Variants in SIDT2 observed in about 807,000 individuals in gnomAD.
SIDT2 encodes SID1 transmembrane family member 2, also known as SID1 transmembrane family, member 2.
SIDT2 carries 68 observed loss-of-function variants against 114.4 expected under a neutral mutation model. That is an observed-to-expected ratio of 0.59 (90% CI 0.49 to 0.73). SIDT2 has a LOEUF of 0.73. Ranked by LOEUF, SIDT2 falls within the 30% of genes least tolerant of loss-of-function variation. The pLI, the probability that SIDT2 is intolerant of heterozygous loss-of-function variation, is 0.00. For missense variants in SIDT2, 918 were observed against 1,097.1 expected, an observed-to-expected ratio of 0.84 and a Z score of 2.31; for synonymous variants, 470 against 438.4, an observed-to-expected ratio of 1.07 and a Z score of -0.90.
rs573216759 is a variant in SIDT2, at chr11:117,193,637, C to T, written c.2212-216C>T. The stretch of plus-strand genomic sequence containing the variant: ...GCGCCTTGAGGCCAGTGCACTGTCC[C>T]GACACAGGGTTCTGGATACATGGAG... On this transcript the variant is annotated intron_variant, in intron 23 of 25. Transcript: ENST00000324225. Among the ~76,000 whole-genome samples the T allele has an allele frequency of 9.9e-5, 15 of 152,094 alleles. No individual in the cohort carries two copies. In the South Asian group the frequency reaches 2.5e-3, roughly 25 times the overall value.
At chr11:117,180,936 C>T (rs574313232) in intron 1 of SIDT2, among the ~76,000 whole-genome samples, 22 of 152,164 alleles carry the variant, frequency 1.4e-4, no homozygotes, top group Non-Finnish European at 2.8e-4. Context: ...CAATACCTAC[C>T]CCTCCTCAAC....
rs116199703 is a variant in SIDT2 at position 117,180,354 on chromosome 11, A to G, written c.183+908A>G. ...TAGAGTCCTTTCTTCCTTTTTTCCC[A>G]TATCTAAAGGCACTGGAGAGCTGTG... On this transcript the variant is annotated intron_variant, in intron 1 of 25. Transcript: ENST00000324225. Among the ~76,000 whole-genome samples the G allele has an allele frequency of 5.2e-3, 792 of 151,908 alleles. 11 individuals carry two copies. The highest frequency in any genetic ancestry group is 0.018 in the African/African-American group (728 of 41,414).
At chr11:117,194,334 G>A (rs117634345) in intron 24 of SIDT2, among the ~76,000 whole-genome samples, 2,971 of 152,154 alleles carry the variant, frequency 0.02, 39 homozygotes, top group Non-Finnish European at 0.031. Flanking sequence ...ACATCATTTG[G>A]GAACACCTAC....
At chr11:117,183,741 T>A (rs1443250183) in intron 6 of SIDT2, 38 bp from the exon 7 acceptor site, 1 of 1,308,982 alleles carries the variant, frequency 7.6e-7, no homozygotes, top group African/African-American at 1.4e-5. Flanking sequence ...ATGATGATGA[T>A]GATGATGAAG....
chr11:117,196,252 T>A lies in SIDT2; in HGVS notation c.*186T>A. ...ATGGGGTGGCATGGAACCTTGCAGC[T>A]GCCCTCTGCCGAGGAGCAGGCCTGC... is the stretch of plus-strand genomic sequence containing the variant. On this transcript the variant is annotated 3_prime_UTR_variant, in exon 26 of 26. Coordinates refer to ENST00000324225, the MANE Select transcript of SIDT2 (RefSeq NM_001040455.2). The surrounding 1 kb of genome is among the most constrained non-coding windows in gnomAD (Gnocchi z 4.9). The A allele has an allele frequency of 1.4e-6, 1 of 733,718 alleles. No individual in the cohort carries two copies. Among genetic ancestry groups the A allele is most frequent in the Non-Finnish European group, 2.2e-6 (1 of 456,598 alleles). The allele number at this position is 733,718 out of a possible 1,614,324, so 45.5% of individuals were successfully genotyped here. A position where few individuals can be genotyped will look rare whatever the true frequency, so the allele number is the denominator to read the frequency against.
At position 117,187,509 on chromosome 11, in the gene SIDT2, C is replaced by A. The variant is rs187139984; in HGVS notation, c.1087+60C>A. 138 of 1,601,558 alleles carry A rather than the reference C, an allele frequency of 8.6e-5. 1 individual carries two copies. The Middle Eastern group carries it at 1.7e-3, about 19-fold the overall frequency. On this transcript the variant is annotated intron_variant, in intron 11 of 25. Transcript: ENST00000324225. The stretch of plus-strand genomic sequence containing the variant: ...ACATGACCTTGTCTCCTTAGGCCAC[C>A]ACCTCCGAGGCGGTAAAGTGGGAGC...
Position 117,192,027 on chromosome 11 carries a change from C to T in SIDT2, c.1872+13C>T. 1 of 1,614,006 alleles carries T rather than the reference C, an allele frequency of 6.2e-7. No homozygotes were observed. Among genetic ancestry groups the T allele is most frequent in the Non-Finnish European group, 8.5e-7 (1 of 1,179,968 alleles). On this transcript the variant is annotated intron_variant, in intron 19 of 25. Coordinates refer to ENST00000324225, the MANE Select transcript of SIDT2 (RefSeq NM_001040455.2). The surrounding 1 kb of genome is among the most constrained non-coding windows in gnomAD (Gnocchi z 5.9). ...TGTGCTGGGCGTGGTGAGGGCCTGA[C>T]CTGCTCTGCTCAGCCTGTATGATAG...
intron 8 of SIDT2, among the ~76,000 whole-genome samples, chr11:117,185,775 G>A (rs2030468345): frequency 6.6e-6 from 1 of 151,902 alleles, no homozygotes; most frequent in Non-Finnish European, 1.5e-5. Context: ...CTACTCAGGA[G>A]GCTGAGGTGG....
At chr11:117,181,700 C>A in intron 2 of SIDT2, 107 bp from the exon 3 acceptor site, 1 of 1,576,672 alleles carries the variant, frequency 6.3e-7, no homozygotes, top group Non-Finnish European at 8.7e-7. Context: ...GTGCACCTCG[C>A]AGGGAGGTGG....
chr11:117,180,092 A>G (rs1056840078), intron 1 of SIDT2, among the ~76,000 whole-genome samples: 4 of 152,212 alleles, frequency 2.6e-5, no homozygotes, highest in African/African-American at 9.6e-5. Flanking sequence ...AGACACAGCT[A>G]GTGTGGGAAG....
chr11:117,192,420 G>A lies in SIDT2; in HGVS notation c.1981+58G>A, dbSNP rs1352605325. On this transcript the variant is annotated intron_variant, in intron 20 of 25. Coordinates refer to ENST00000324225, the MANE Select transcript of SIDT2 (RefSeq NM_001040455.2). The surrounding 1 kb of genome is among the most constrained non-coding windows in gnomAD (Gnocchi z 5.9). ...GGGGTCTGGGGGGCCTTGGGAACCCGGACGCACGGGAGACGCTCAGGTTCT... is the reference window on the plus strand; with the variant it reads ...GGGGTCTGGGGGGCCTTGGGAACCCAGACGCACGGGAGACGCTCAGGTTCT... 5.8e-5 allele frequency: 81 copies of A among 1,396,468 alleles called. No homozygotes were observed. The highest frequency in any genetic ancestry group is 7.9e-5 in the Non-Finnish European group (78 of 989,678). 86.5% of individuals were successfully genotyped at this position (1,396,468 alleles called of 1,614,324 possible).
At chr11:117,179,632 A>G in intron 1 of SIDT2, 186 bp downstream of exon 1, 1 of 589,586 alleles carries the variant, frequency 1.7e-6, no homozygotes, top group South Asian at 2.4e-5. Context: ...GTTTCTCTGA[A>G]GCTCCAGCTG....
At position 117,193,004 on chromosome 11, in the gene SIDT2, TTC is replaced by T. The variant is rs2030759855; in HGVS notation, c.2106-141_2106-140del. ...GGGCTAAGAGAGATCTTGGCCTCTC[TTC>T]TCTCTCTTGGCATCTGGGCTTCTAG... is the stretch of plus-strand genomic sequence containing the variant. On this transcript the variant is annotated intron_variant, in intron 22 of 25. Coordinates refer to ENST00000324225, the MANE Select transcript of SIDT2 (RefSeq NM_001040455.2). 9 of 1,349,578 alleles carry T rather than the reference TTC, an allele frequency of 6.7e-6. No individual in the cohort carries two copies. The South Asian group carries it at 8.2e-5, about 12-fold the overall frequency. The allele number at this position is 1,349,578 out of a possible 1,614,324, so 83.6% of individuals were successfully genotyped here.
Position 117,188,265 on chromosome 11 carries a change from A to G in SIDT2, c.1160-443A>G. 1 of 318,258 alleles carries G rather than the reference A, an allele frequency of 3.1e-6. No homozygotes were observed. Among genetic ancestry groups the G allele is most frequent in the Non-Finnish European group, 6.1e-6 (1 of 163,036 alleles). 19.7% of individuals were successfully genotyped at this position (318,258 alleles called of 1,614,324 possible). On this transcript the variant is annotated intron_variant, in intron 12 of 25. Transcript: ENST00000324225. The surrounding 1 kb of genome is among the most constrained non-coding windows in gnomAD (Gnocchi z 4.0). ...ATTCTGGCCTCTGGATAAAGGAGAA[A>G]TGCTCTTTCTGCACCCCAGGCCCAC...
chr11:117,187,302 C>A, intron 10 of SIDT2, 76 bp from the exon 11 acceptor site: 1 of 1,417,820 alleles, frequency 7.1e-7, no homozygotes, highest in Non-Finnish European at 1.0e-6. Context: ...CTTCTCTGGA[C>A]CTTTCTTTGT....
chr11:117,193,323 G>A (rs138628274), intron 23 of SIDT2, 65 bp downstream of exon 23: 155 of 1,366,246 alleles, frequency 1.1e-4, no homozygotes, highest in Non-Finnish European at 1.4e-4. Flanking sequence ...AGATGGGCCC[G>A]GCAGCATTGA....
rs960462281 is a variant in SIDT2, at chr11:117,196,214, G to A, written c.*148G>A. 2.9e-6 allele frequency: 3 copies of A among 1,048,062 alleles called. No individual in the cohort carries two copies. Among genetic ancestry groups the A allele is most frequent in the Non-Finnish European group, 4.1e-6 (3 of 725,638 alleles). 64.9% of individuals were successfully genotyped at this position (1,048,062 alleles called of 1,614,324 possible). A position where few individuals can be genotyped will look rare whatever the true frequency, so the allele number is the denominator to read the frequency against. On this transcript the variant is annotated 3_prime_UTR_variant, in exon 26 of 26. Coordinates refer to ENST00000324225, the MANE Select transcript of SIDT2 (RefSeq NM_001040455.2). The surrounding 1 kb of genome is among the most constrained non-coding windows in gnomAD (Gnocchi z 4.9). ...GACAGCCAGGTCTAGCTTAGGCTTG[G>A]CCTGGGACAGCCATGGGGTGGCATG...
At chr11:117,179,566 A>G (rs1024366273) in intron 1 of SIDT2, 120 bp downstream of exon 1, 1 of 1,032,676 alleles carries the variant, frequency 9.7e-7, no homozygotes. Flanking sequence ...CTAGGTTCCC[A>G]GTTCCCAGAA....
At position 117,190,652 on chromosome 11, in the gene SIDT2, T is replaced by C; in HGVS notation, c.1647T>C (p.Leu549=). Residue 549 remains leucine, a synonymous_variant, in exon 18 of 26, where the codon CTT becomes CTC. Transcript: ENST00000324225. The surrounding 1 kb of genome is among the most constrained non-coding windows in gnomAD (Gnocchi z 4.1). ...LECGIPKHFG[L]FYAMGTALMM... ...GTGGGATCCCCAAACACTTTGGGCT[T>C]TTCTACGCCATGGGCACAGCCCTGA... 2 of 1,601,822 alleles carry C rather than the reference T, an allele frequency of 1.2e-6. No individual in the cohort carries two copies. The highest frequency in any genetic ancestry group is 1.7e-5 in the Admixed American group (1 of 57,688).
Sources: gnomAD v4.1 joint callset for allele counts (sites outside exome capture counted in the v4.1 genomes callset) on GRCh38, gnomAD v4.1.1 for gene constraint, Gnocchi (gnomAD v3.1) non-coding constraint, MANE v1.5 for transcripts, NCBI Gene and HGNC (gene_info 2026-07-23, HGNC 2026-07-21) for gene names.